Variants in CLIC4 observed in about 807,000 individuals in gnomAD.
CLIC4 encodes chloride intracellular channel protein 4.
A neutral mutation model predicts 24.6 loss-of-function variants in CLIC4; 13 were observed. The ratio of observed to expected loss-of-function variants is 0.53; its 90% confidence interval spans 0.34 to 0.84. The LOEUF (loss-of-function observed/expected upper bound fraction) is 0.84. Ranked by LOEUF, CLIC4 falls within the 40% of genes least tolerant of loss-of-function variation. The pLI is 0.01. For synonymous variants in CLIC4, 104 were observed against 111.3 expected, an observed-to-expected ratio of 0.93 and a Z score of 0.41; for missense variants, 227 against 301.7, an observed-to-expected ratio of 0.75 and a Z score of 1.83.
intron 1 of CLIC4, among the ~76,000 whole-genome samples, chr1:24,747,095 A>AT (rs749648001): frequency 0.07 from 8,464 of 120,204 alleles, 424 homozygotes; most frequent in African/African-American, 0.13. Context: ...TCAATTTTCG[A>AT]TTTTTTTTTT....
rs1320030727 is a variant in CLIC4, at chr1:24,841,750, C to A, written c.*813C>A. 2 of 152,548 alleles carry A rather than the reference C, an allele frequency of 1.3e-5. No individual in the cohort carries two copies. The highest frequency in any genetic ancestry group is 2.4e-5 in the African/African-American group (1 of 41,426). 9.4% of individuals were successfully genotyped at this position (152,548 alleles called of 1,614,324 possible). ...TTTGCCCTGTGCCATTCATTTGGAA[C>A]TTTATTGCATTCTTTATTTTAAAAA... On this transcript the variant is annotated 3_prime_UTR_variant, in exon 6 of 6. Coordinates refer to ENST00000374379, the MANE Select transcript of CLIC4 (RefSeq NM_013943.3).
intron 1 of CLIC4, among the ~76,000 whole-genome samples, chr1:24,767,043 A>AG (rs1209766354): frequency 1.7e-4 from 24 of 140,452 alleles, no homozygotes; most frequent in African/African-American, 5.5e-4. Flanking sequence ...AAAAAAAAAA[A>AG]AAAAAGAAAA....
At chr1:24,797,005 A>C (rs1639412773) in intron 1 of CLIC4, among the ~76,000 whole-genome samples, 1 of 148,818 alleles carries the variant, frequency 6.7e-6, no homozygotes, top group African/African-American at 2.5e-5. Context: ...CCCAGGCTGG[A>C]GTGCATGGCA....
intron 2 of CLIC4, among the ~76,000 whole-genome samples, chr1:24,809,322 G>C (rs965434887): frequency 6.6e-6 from 1 of 152,054 alleles, no homozygotes; most frequent in African/African-American, 2.4e-5. Flanking sequence ...AGAAACCTGA[G>C]GCTTTCTAAC....
intron 1 of CLIC4, among the ~76,000 whole-genome samples, chr1:24,762,394 C>G (rs1638939041): frequency 6.6e-6 from 1 of 152,096 alleles, no homozygotes; most frequent in African/African-American, 2.4e-5. Context: ...ACTGCACTGC[C>G]TGATGACGGA....
At chr1:24,782,075 G>A (rs1048401106) in intron 1 of CLIC4, among the ~76,000 whole-genome samples, 6 of 152,160 alleles carry the variant, frequency 3.9e-5, no homozygotes, top group Admixed American at 6.5e-5. Context: ...GATAACCTTT[G>A]AAAACTACTG....
intron 4 of CLIC4, among the ~76,000 whole-genome samples, chr1:24,831,243 A>G (rs1639837127): frequency 6.6e-6 from 1 of 152,164 alleles, no homozygotes; most frequent in Admixed American, 6.5e-5. Flanking sequence ...AAATTTATTT[A>G]AATGAGACAA....
At chr1:24,768,795 G>C (rs1337362814) in intron 1 of CLIC4, among the ~76,000 whole-genome samples, 4 of 151,572 alleles carry the variant, frequency 2.6e-5, no homozygotes, top group African/African-American at 9.7e-5. Flanking sequence ...CAGCTACTCG[G>C]GAGGCTAAGG....
At chr1:24,791,204 A>G (rs1488136205) in intron 1 of CLIC4, among the ~76,000 whole-genome samples, 1 of 152,172 alleles carries the variant, frequency 6.6e-6, no homozygotes, top group Non-Finnish European at 1.5e-5. Flanking sequence ...CTATTGTTAG[A>G]TAACTATATG....
chr1:24,843,989 A>AGG lies in CLIC4; in HGVS notation c.*3055_*3056dup, dbSNP rs1639968316. On this transcript the variant is annotated 3_prime_UTR_variant, in exon 6 of 6. Transcript: ENST00000374379. ...GAATTTAAGCATTTAATTCAAAGAG[A>AGG]GGGGAGCATCCATTATTGATACATG... 2 of 152,638 alleles carry AGG rather than the reference A, an allele frequency of 1.3e-5. No homozygotes were observed. The highest frequency in any genetic ancestry group is 4.1e-4 in the South Asian group (2 of 4,828). The allele number at this position is 152,638 out of a possible 1,614,324, so 9.5% of individuals were successfully genotyped here.
chr1:24,827,080 G>A lies in CLIC4; in HGVS notation c.379G>A (p.Ala127Thr), dbSNP rs755279429. Residue 127 changes from alanine to threonine, a missense_variant, in exon 4 of 6, where the codon GCA (alanine) becomes ACA (threonine). Coordinates refer to ENST00000374379, the MANE Select transcript of CLIC4 (RefSeq NM_013943.3). ...AGMDIFAKFS[A>T]YIKNSRPEAN... ...AATGGACATCTTTGCCAAATTCTCT[G>A]CATATATCAAGAATTCAAGGCCAGA... is the stretch of plus-strand genomic sequence containing the variant. 7.5e-6 allele frequency: 12 copies of A among 1,609,912 alleles called. No individual in the cohort carries two copies. In the African/African-American group the frequency reaches 8.0e-5, roughly 11 times the overall value.
At chr1:24,817,563 A>G (rs1390604453) in intron 3 of CLIC4, among the ~76,000 whole-genome samples, 2 of 152,190 alleles carry the variant, frequency 1.3e-5, no homozygotes, top group Non-Finnish European at 2.9e-5. Flanking sequence ...GGACCACTCA[A>G]ACTTTCTCCC....
intron 2 of CLIC4, among the ~76,000 whole-genome samples, chr1:24,809,400 T>C (rs974662837): frequency 7.9e-5 from 12 of 152,166 alleles, no homozygotes; most frequent in African/African-American, 2.2e-4. Context: ...GATTATAAAC[T>C]GGTTATAGAT....
chr1:24,808,842 A>G (rs902178859), intron 2 of CLIC4, among the ~76,000 whole-genome samples: 11 of 151,698 alleles, frequency 7.3e-5, no homozygotes, highest in Non-Finnish European at 1.6e-4. Context: ...ACGCCTGACT[A>G]ATTTTTTTTA....
chr1:24,807,942 A>G lies in CLIC4; in HGVS notation c.183-6152A>G, dbSNP rs1403462674. On this transcript the variant is annotated intron_variant, in intron 2 of 5. Transcript: ENST00000374379. ...ATCACAATTTATATATGACAAGATT[A>G]AAAAACATTCCTTTTTTTTTTTTTT... Among the ~76,000 whole-genome samples the G allele has an allele frequency of 3.6e-5, 4 of 112,152 alleles. No homozygotes were observed. The Admixed American group carries it at 4.8e-4, about 13-fold the overall frequency. 73.6% of individuals were successfully genotyped at this position (112,152 alleles called of 152,430 possible). A position where few individuals can be genotyped will look rare whatever the true frequency, so the allele number is the denominator to read the frequency against.
intron 1 of CLIC4, among the ~76,000 whole-genome samples, chr1:24,752,421 C>G (rs190807926): frequency 2.2e-4 from 34 of 152,268 alleles, no homozygotes; most frequent in African/African-American, 7.0e-4. Context: ...CTCTTTCTAG[C>G]TTATTTGTCC....
chr1:24,767,024 TAAAAAAA>T (rs34142565), intron 1 of CLIC4, among the ~76,000 whole-genome samples: 3 of 71,088 alleles, frequency 4.2e-5, no homozygotes, highest in South Asian at 5.9e-4. Context: ...GCTGATGAGC[TAAAAAAA>T]AAAAAAAAAA....
chr1:24,745,636 G>C lies in CLIC4; in HGVS notation c.72+11G>C, dbSNP rs750847623. The C allele has an allele frequency of 1.3e-6, 2 of 1,545,506 alleles. No homozygotes were observed. Among genetic ancestry groups the C allele is most frequent in the African/African-American group, 1.4e-5 (1 of 70,944 alleles). ...GAGCTCTTCGTCAAGGTGAGCGCTC[G>C]CCTCGCGGTCCCGCCCGGCAGATCC... On this transcript the variant is annotated intron_variant, in intron 1 of 5. Coordinates refer to ENST00000374379, the MANE Select transcript of CLIC4 (RefSeq NM_013943.3).
chr1:24,785,931 C>T (rs529546063), intron 1 of CLIC4, among the ~76,000 whole-genome samples: 6 of 151,306 alleles, frequency 4.0e-5, no homozygotes, highest in African/African-American at 1.5e-4. Flanking sequence ...GATGACTTTG[C>T]CCATTTGTCA....
Sources: allele counts gnomAD v4.1 joint callset (sites outside exome capture counted in the v4.1 genomes callset), GRCh38; gene constraint gnomAD v4.1.1; transcripts MANE v1.5; gene names NCBI Gene and HGNC (gene_info 2026-07-23, HGNC 2026-07-21).